CARMIL1: variants seen among roughly 807,000 people sequenced by gnomAD.
CARMIL1 encodes F-actin-uncapping protein LRRC16A.
A neutral mutation model predicts 177.1 loss-of-function variants in CARMIL1; 90 were observed. The ratio of observed to expected loss-of-function variants is 0.51; its 90% CI spans 0.43 to 0.61. The LOEUF (loss-of-function observed/expected upper bound fraction) is 0.61. Ranked by LOEUF, CARMIL1 falls within the 20% of genes least tolerant of loss-of-function variation. The pLI, the probability that CARMIL1 is intolerant of heterozygous loss-of-function variation, is 0.00. For synonymous variants in CARMIL1, 577 were observed against 606.2 expected (o/e 0.95, Z 0.71); for missense variants, 1,380 against 1,667.0 (o/e 0.83, Z 3.00).
At chr6:25,557,390 A>G (rs1192005708) in intron 29 of CARMIL1, among the ~76,000 whole-genome samples, 1 of 152,172 alleles carries the variant, frequency 6.6e-6, no homozygotes, top group Non-Finnish European at 1.5e-5. Context: ...TCTAAATTTC[A>G]TGTAGCATAT....
chr6:25,347,934 T>C (rs1045804024), intron 2 of CARMIL1, among the ~76,000 whole-genome samples: 7 of 152,166 alleles, frequency 4.6e-5, no homozygotes, highest in Non-Finnish European at 1.0e-4. Context: ...GGAGGTTAAG[T>C]TAATGCTGTG....
rs771673259 is a variant in CARMIL1 at position 25,450,688 on chromosome 6, A to G, written c.591A>G (p.Gln197=). The G allele has an allele frequency of 3.6e-5, 58 of 1,606,658 alleles. No individual in the cohort carries two copies. The Admixed American group carries it at 9.4e-4, about 26-fold the overall frequency. ...LTQDTRELNL[Q]DFSHLDHRDL... is the part of the protein sequence containing the mutation. ...AAGACACCAGGGAATTGAATTTACA[A>G]GATTTTAGTCATCTTGACCACAGGT... Residue 197 remains glutamine (Q), a synonymous_variant, in exon 8 of 37, where the codon CAA becomes CAG. Coordinates refer to ENST00000329474, the MANE Select transcript of CARMIL1 (RefSeq NM_017640.6).
chr6:25,374,974 G>T (rs1790836011), intron 2 of CARMIL1, among the ~76,000 whole-genome samples: 1 of 152,118 alleles, frequency 6.6e-6, no homozygotes, highest in South Asian at 2.1e-4. Flanking sequence ...TATCCATTCT[G>T]CCAAAGTATA....
chr6:25,300,266 A>G (rs1437758902), intron 2 of CARMIL1, among the ~76,000 whole-genome samples: 1 of 152,250 alleles, frequency 6.6e-6, no homozygotes, highest in Non-Finnish European at 1.5e-5. Flanking sequence ...AAATCCCACC[A>G]CATAGCAATT....
At chr6:25,459,522 G>C (rs1332102315) in intron 8 of CARMIL1, among the ~76,000 whole-genome samples, 2 of 151,722 alleles carry the variant, frequency 1.3e-5, no homozygotes, top group East Asian at 3.9e-4. Context: ...AAGGTGCTGG[G>C]ATTACAGGTG....
chr6:25,500,922 G>C (rs1804254362), intron 17 of CARMIL1, among the ~76,000 whole-genome samples: 1 of 151,724 alleles, frequency 6.6e-6, no homozygotes, highest in Admixed American at 6.6e-5. Flanking sequence ...ACCACGCCCG[G>C]CTATTTTTTT....
At chr6:25,475,171 C>T (rs577076692) in intron 11 of CARMIL1, among the ~76,000 whole-genome samples, 6 of 151,888 alleles carry the variant, frequency 4.0e-5, no homozygotes, top group East Asian at 1.9e-4. Flanking sequence ...TTTGGGAGGC[C>T]GAGGTGGGTG....
Position 25,577,872 on chromosome 6 carries a change from A to G in CARMIL1, c.2743-3052A>G, listed in dbSNP as rs562674662. Among the ~76,000 whole-genome samples the G allele has an allele frequency of 1.3e-4, 20 of 152,284 alleles. No individual in the cohort carries two copies. Among genetic ancestry groups the G allele is most frequent in the Admixed American group, 1.1e-3 (17 of 15,300 alleles). ...CTTTTTGTTCACAGTGTCTGCCACA[A>G]TGGGGACTTATTGATGATTTGTGAT... On this transcript the variant is annotated intron_variant, in intron 29 of 36. Coordinates refer to ENST00000329474, the MANE Select transcript of CARMIL1 (RefSeq NM_017640.6). The surrounding 1 kb of genome is among the most constrained non-coding windows in gnomAD (Gnocchi z 4.5).
intron 15 of CARMIL1, among the ~76,000 whole-genome samples, chr6:25,492,619 A>T (rs1426919844): frequency 1.3e-5 from 2 of 152,234 alleles, no homozygotes; most frequent in African/African-American, 4.8e-5. Context: ...GAATATCTAA[A>T]GAATTAATAC....
chr6:25,315,841 G>A (rs1784232798), intron 2 of CARMIL1, among the ~76,000 whole-genome samples: 1 of 152,102 alleles, frequency 6.6e-6, no homozygotes, highest in Admixed American at 6.5e-5. Context: ...TCAAATTGTG[G>A]TCCATGACCA....
At chr6:25,595,195 G>A (rs1213267372) in intron 32 of CARMIL1, among the ~76,000 whole-genome samples, 1 of 152,166 alleles carries the variant, frequency 6.6e-6, no homozygotes, top group Non-Finnish European at 1.5e-5. Flanking sequence ...TTTGTACCAT[G>A]TTATTTAATC....
intron 2 of CARMIL1, among the ~76,000 whole-genome samples, chr6:25,390,321 T>TATATATATATATATATATA (rs1491117122): frequency 1.3e-4 from 5 of 38,166 alleles, no homozygotes; most frequent in Non-Finnish European, 2.4e-4. Flanking sequence ...TATATATATA[T>TATATATATATATATATATA]TTTTTTTTTT....
At chr6:25,350,063 C>T (rs868375505) in intron 2 of CARMIL1, among the ~76,000 whole-genome samples, 11 of 152,102 alleles carry the variant, frequency 7.2e-5, no homozygotes, top group Admixed American at 1.3e-4. Context: ...GGAAATGCCT[C>T]GGGGGACCAG....
At chr6:25,365,161 G>A (rs1308158598) in intron 2 of CARMIL1, among the ~76,000 whole-genome samples, 2 of 152,144 alleles carry the variant, frequency 1.3e-5, no homozygotes, top group African/African-American at 4.8e-5. Flanking sequence ...TTTCCGTCCA[G>A]CTCTATTTTG....
chr6:25,606,392 A>C (rs905552230), intron 35 of CARMIL1, 119 bp downstream of exon 35: 45 of 843,564 alleles, frequency 5.3e-5, no homozygotes, highest in Non-Finnish European at 7.8e-5. Flanking sequence ...CGGCTTCTGC[A>C]GGAGGGGATC....
At position 25,612,906 on chromosome 6, in the gene CARMIL1, A is replaced by C. The variant is rs1031145701; in HGVS notation, c.3979+2725A>C. ...CAAATGGTTAGAGCCTTCGATTATC[A>C]TCCCTCACTGACCCGAAGCTTATGA... On this transcript the variant is annotated intron_variant, in intron 36 of 36. Coordinates refer to ENST00000329474, the MANE Select transcript of CARMIL1 (RefSeq NM_017640.6). 4 of 985,254 alleles carry C rather than the reference A, an allele frequency of 4.1e-6. No individual in the cohort carries two copies. In the African/African-American group the frequency reaches 7.0e-5, roughly 17 times the overall value. 61.0% of individuals were successfully genotyped at this position (985,254 alleles called of 1,614,324 possible).
intron 2 of CARMIL1, among the ~76,000 whole-genome samples, chr6:25,328,813 TA>T (rs1785347323): frequency 6.8e-6 from 1 of 146,254 alleles, no homozygotes; most frequent in African/African-American, 2.6e-5. Flanking sequence ...TCATAATAAT[TA>T]AAAATTTAAA....
At chr6:25,597,613 G>A (rs1396571367) in intron 32 of CARMIL1, among the ~76,000 whole-genome samples, 4 of 151,964 alleles carry the variant, frequency 2.6e-5, no homozygotes, top group Admixed American at 6.6e-5. Context: ...CCTCTCACCA[G>A]CATCTGACCA....
At chr6:25,428,795 T>C (rs1401435620) in intron 4 of CARMIL1, among the ~76,000 whole-genome samples, 1 of 152,234 alleles carries the variant, frequency 6.6e-6, no homozygotes, top group African/African-American at 2.4e-5. Context: ...CTATAAATTG[T>C]GTTATTTTTT....
Sources: gnomAD v4.1 joint callset for allele counts (sites outside exome capture counted in the v4.1 genomes callset) on GRCh38, gnomAD v4.1.1 for gene constraint, Gnocchi (gnomAD v3.1) non-coding constraint, MANE v1.5 for transcripts, NCBI Gene and HGNC (gene_info 2026-07-23, HGNC 2026-07-21) for gene names.